Variants in DCDC1 observed in about 807,000 individuals in gnomAD.
DCDC1 encodes the protein doublecortin domain-containing protein 1.
A neutral mutation model predicts 178.3 loss-of-function variants in DCDC1; 200 were observed. That is an observed-to-expected ratio of 1.12 (90% CI 1.00 to 1.26). The LOEUF is 1.26. DCDC1 is among the 50% of genes most tolerant of loss of function. The pLI, the probability that DCDC1 is intolerant of heterozygous loss-of-function variation, is 0.00. For synonymous variants in DCDC1, 690 were observed against 604.8 expected (o/e 1.14, Z -2.07); for missense variants, 1,983 against 1,749.2 (o/e 1.13, Z -2.38).
chr11:31,300,391 T>G (rs566695481), intron 6 of DCDC1, among the ~76,000 whole-genome samples: 1 of 152,308 alleles, frequency 6.6e-6, no homozygotes, highest in East Asian at 1.9e-4. Flanking sequence ...GATGGTATTC[T>G]CAGTTTTCTG....
At chr11:31,343,757 A>G (rs1304884795) in intron 1 of DCDC1, among the ~76,000 whole-genome samples, 2 of 152,082 alleles carry the variant, frequency 1.3e-5, no homozygotes, top group Non-Finnish European at 2.9e-5. Flanking sequence ...TGTCTCTACT[A>G]AAAATACAAA....
At chr11:30,894,551 C>A (rs1037022447) in intron 34 of DCDC1, among the ~76,000 whole-genome samples, 167 bp from the exon 35 acceptor site, 1 of 152,126 alleles carries the variant, frequency 6.6e-6, no homozygotes, top group African/African-American at 2.4e-5. Flanking sequence ...TCTAACAATA[C>A]CTCTTTCATA....
intron 1 of DCDC1, among the ~76,000 whole-genome samples, chr11:31,341,158 A>C (rs574314984): frequency 6.6e-6 from 1 of 152,228 alleles, no homozygotes; most frequent in African/African-American, 2.4e-5. Context: ...GGCAGCAAAA[A>C]GGATGGTTCA....
intron 9 of DCDC1, among the ~76,000 whole-genome samples, chr11:31,176,075 G>T (rs1334353364): frequency 6.6e-6 from 1 of 152,136 alleles, no homozygotes; most frequent in African/African-American, 2.4e-5. Context: ...TTTACAGAAT[G>T]CCTAAAAAGA....
chr11:31,264,568 T>A (rs554734087), intron 8 of DCDC1, among the ~76,000 whole-genome samples: 1 of 152,144 alleles, frequency 6.6e-6, no homozygotes, highest in Non-Finnish European at 1.5e-5. Flanking sequence ...ATTACCTAAC[T>A]TCTCTGTACC....
intron 20 of DCDC1, among the ~76,000 whole-genome samples, chr11:30,998,705 C>A (rs542909378): frequency 4.3e-4 from 65 of 152,234 alleles, no homozygotes; most frequent in African/African-American, 1.5e-3. Context: ...GGTATCTCCC[C>A]TCAAATATTT....
intron 20 of DCDC1, among the ~76,000 whole-genome samples, chr11:30,998,169 G>A (rs887505092): frequency 2.0e-5 from 3 of 152,104 alleles, no homozygotes; most frequent in African/African-American, 4.8e-5. Flanking sequence ...GCATGCAACT[G>A]TAGTCCTAGC....
At chr11:31,232,560 C>T (rs1975915806) in intron 9 of DCDC1, among the ~76,000 whole-genome samples, 1 of 152,092 alleles carries the variant, frequency 6.6e-6, no homozygotes, top group Admixed American at 6.5e-5. Context: ...TTGTTCACTC[C>T]TGACTTCATG....
chr11:30,990,535 A>G (rs1320434064), intron 20 of DCDC1, among the ~76,000 whole-genome samples: 1 of 152,158 alleles, frequency 6.6e-6, no homozygotes, highest in Non-Finnish European at 1.5e-5. Context: ...AACACTGGAG[A>G]CACTCAGAAA....
In DCDC1 at chr11:30,881,197, T is replaced by A; in HGVS notation, c.5194A>T (p.Ile1732Phe). The change falls in exon 37 of 39, where the codon ATC becomes TTC. Residue 1732 changes from isoleucine (I) to phenylalanine (F), a missense_variant. Ile to Phe is a conservative substitution (Grantham distance 21, BLOSUM62 0). Transcript: ENST00000684477. ...AAACCATGTCCCATAGACACACAGA[T>A]GACCATATCTCGCTCTATGTCGTCC... ...SWDDIERDMV[I>F]CVSMGHGFKT... is the part of the protein sequence containing the mutation. The A allele has an allele frequency of 6.2e-7, 1 of 1,613,554 alleles. No individual in the cohort carries two copies. The highest frequency in any genetic ancestry group is 8.5e-7 in the Non-Finnish European group (1 of 1,179,596).
At chr11:31,216,033 C>T (rs1020736020) in intron 9 of DCDC1, among the ~76,000 whole-genome samples, 2 of 152,056 alleles carry the variant, frequency 1.3e-5, no homozygotes, top group Non-Finnish European at 2.9e-5. Flanking sequence ...CCCTTTAGAG[C>T]AATTAGAGCT....
intron 20 of DCDC1, among the ~76,000 whole-genome samples, chr11:30,982,005 T>C (rs1950414546): frequency 6.6e-6 from 1 of 152,186 alleles, no homozygotes; most frequent in Admixed American, 6.6e-5. Context: ...CTTATGCCTA[T>C]TTTTATTTAA....
intron 21 of DCDC1, among the ~76,000 whole-genome samples, chr11:30,947,254 T>A (rs1406344329): frequency 6.6e-6 from 1 of 152,178 alleles, no homozygotes; most frequent in Non-Finnish European, 1.5e-5. Flanking sequence ...AAATAAGGTC[T>A]TGTGTGCACC....
intron 20 of DCDC1, among the ~76,000 whole-genome samples, chr11:30,969,471 A>C (rs1949658194): frequency 6.6e-6 from 1 of 152,170 alleles, no homozygotes; most frequent in South Asian, 2.1e-4. Flanking sequence ...CTGACACTTG[A>C]TTTTGGCTCA....
rs537294551 is a variant in DCDC1, at chr11:31,257,347, C to T, written c.1054+8160G>A. Among the ~76,000 whole-genome samples the T allele has an allele frequency of 3.0e-4, 45 of 152,184 alleles. 1 individual carries two copies. The highest frequency in any genetic ancestry group is 3.4e-3 in the Middle Eastern group (1 of 294). On this transcript the variant is annotated intron_variant, in intron 8 of 38. Transcript: ENST00000684477. The stretch of plus-strand genomic sequence containing the variant: ...AATCAAAGTAGGCTCTACATTTTAT[C>T]GTATAAATTTTAACCATGGTTCTAA...
intron 20 of DCDC1, among the ~76,000 whole-genome samples, chr11:30,993,018 C>G (rs2134948211): frequency 1.3e-5 from 2 of 151,892 alleles, no homozygotes; most frequent in African/African-American, 4.8e-5. Flanking sequence ...ATAAATTAGG[C>G]TTAACTTTCC....
intron 17 of DCDC1, among the ~76,000 whole-genome samples, chr11:31,083,089 G>A (rs562121823): frequency 6.6e-6 from 1 of 152,314 alleles, no homozygotes; most frequent in South Asian, 2.1e-4. Context: ...ATGTAAAGGA[G>A]TCCTTAAAGC....
chr11:31,308,933 C>A (rs1038712575), intron 3 of DCDC1, among the ~76,000 whole-genome samples: 1 of 151,604 alleles, frequency 6.6e-6, no homozygotes, highest in African/African-American at 2.4e-5. Flanking sequence ...CCCCCCCAAA[C>A]ACACCCCCAA....
At chr11:31,163,929 C>T (rs1430134807) in intron 9 of DCDC1, among the ~76,000 whole-genome samples, 1 of 152,014 alleles carries the variant, frequency 6.6e-6, no homozygotes, top group Non-Finnish European at 1.5e-5. Flanking sequence ...TCTTTCACTT[C>T]TTTTTTAGAT....
Sources: allele counts gnomAD v4.1 joint callset (sites outside exome capture counted in the v4.1 genomes callset), GRCh38; gene constraint gnomAD v4.1.1; transcripts MANE v1.5; gene names NCBI Gene and HGNC (gene_info 2026-07-23, HGNC 2026-07-21).